OSBPL1A: variants seen among roughly 807,000 people sequenced by gnomAD.
OSBPL1A encodes oxysterol binding protein like 1A.
In OSBPL1A, 80 loss-of-function variants were observed where a neutral mutation model predicts 137.1. That is an observed-to-expected ratio of 0.58 (90% CI 0.49 to 0.70). The LOEUF (loss-of-function observed/expected upper bound fraction) is 0.70. OSBPL1A is among the 30% of genes least tolerant of loss of function. The pLI is 0.00. For missense variants in OSBPL1A, 970 were observed against 1,129.4 expected, an observed-to-expected ratio of 0.86 and a Z score of 2.02; for synonymous variants, 365 against 389.7, an observed-to-expected ratio of 0.94 and a Z score of 0.75.
chr18:24,387,795 A>T (rs1166411963), intron 1 of OSBPL1A, among the ~76,000 whole-genome samples: 1 of 151,722 alleles, frequency 6.6e-6, no homozygotes, highest in East Asian at 1.9e-4. Context: ...TTGAATATCT[A>T]GAATGCCCAT....
At chr18:24,169,400 T>C (rs2086218926) in intron 24 of OSBPL1A, among the ~76,000 whole-genome samples, 1 of 152,196 alleles carries the variant, frequency 6.6e-6, no homozygotes. Flanking sequence ...GCCGCCTGCA[T>C]TTCTAATGAG....
At chr18:24,357,135 T>C (rs1457087977) in intron 4 of OSBPL1A, 2 of 152,204 alleles carry the variant, frequency 1.3e-5, no homozygotes, top group East Asian at 1.9e-4. Flanking sequence ...TCAATCATTT[T>C]AGATTTATTT....
At chr18:24,349,844 G>A (rs1326565674) in intron 4 of OSBPL1A, among the ~76,000 whole-genome samples, 2 of 152,036 alleles carry the variant, frequency 1.3e-5, no homozygotes, top group Non-Finnish European at 2.9e-5. Flanking sequence ...CAGTCTTCAC[G>A]GTCCCTGAGC....
At chr18:24,273,836 C>T (rs1459713176) in intron 15 of OSBPL1A, among the ~76,000 whole-genome samples, 3 of 152,142 alleles carry the variant, frequency 2.0e-5, no homozygotes, top group African/African-American at 7.2e-5. Flanking sequence ...TACAGTCATC[C>T]AACAGAGCAG....
At chr18:24,211,922 T>A (rs997090224) in intron 17 of OSBPL1A, among the ~76,000 whole-genome samples, 1 of 144,416 alleles carries the variant, frequency 6.9e-6, no homozygotes, top group South Asian at 2.2e-4. Flanking sequence ...AAAAAAAAAA[T>A]CAATGCATTC....
chr18:24,175,985 G>A (rs1001680866), intron 21 of OSBPL1A, among the ~76,000 whole-genome samples: 6 of 152,136 alleles, frequency 3.9e-5, no homozygotes, highest in Admixed American at 1.3e-4. Flanking sequence ...TCCCTTCCCC[G>A]TCGCATTAAT....
chr18:24,302,382 T>C (rs1317739938), intron 14 of OSBPL1A: 1 of 152,078 alleles, frequency 6.6e-6, no homozygotes, highest in Non-Finnish European at 1.5e-5. Context: ...TACACAGGAA[T>C]AGGCACCTTT....
chr18:24,178,843 CT>C (rs2086522792), intron 20 of OSBPL1A, among the ~76,000 whole-genome samples: 1 of 151,996 alleles, frequency 6.6e-6, no homozygotes, highest in Non-Finnish European at 1.5e-5. Context: ...GAGATCAAAA[CT>C]TGTGCAGAGA....
chr18:24,195,004 G>GA (rs2086984974), intron 18 of OSBPL1A, among the ~76,000 whole-genome samples: 1 of 152,096 alleles, frequency 6.6e-6, no homozygotes, highest in Non-Finnish European at 1.5e-5. Flanking sequence ...AGAGACATTG[G>GA]AAAAATGCCA....
intron 14 of OSBPL1A, among the ~76,000 whole-genome samples, chr18:24,293,335 C>G (rs1420980825): frequency 2.6e-5 from 4 of 152,090 alleles, no homozygotes; most frequent in Admixed American, 6.6e-5. Flanking sequence ...CAGAGGAACC[C>G]GGCAGCACTG....
chr18:24,202,505 C>A (rs529731648), intron 17 of OSBPL1A, among the ~76,000 whole-genome samples: 3 of 152,330 alleles, frequency 2.0e-5, no homozygotes, highest in Admixed American at 6.5e-5. Flanking sequence ...TCACCACCTG[C>A]ATTACAGATA....
chr18:24,182,344 T>C (rs2086628912), intron 18 of OSBPL1A, among the ~76,000 whole-genome samples: 3 of 152,234 alleles, frequency 2.0e-5, no homozygotes, highest in African/African-American at 4.8e-5. Flanking sequence ...CAAAATTCAT[T>C]AAGTAACACA....
intron 16 of OSBPL1A, among the ~76,000 whole-genome samples, chr18:24,235,279 C>T (rs1363255330): frequency 1.3e-5 from 2 of 152,174 alleles, no homozygotes; most frequent in Admixed American, 6.5e-5. Context: ...CTAATATCTG[C>T]TAGCCCCTTA....
chr18:24,366,815 G>T, intron 4 of OSBPL1A, 77 bp downstream of exon 4: 2 of 1,432,610 alleles, frequency 1.4e-6, no homozygotes, highest in Non-Finnish European at 1.9e-6. Flanking sequence ...TGGTCAGATG[G>T]TTATAACAGA....
chr18:24,343,221 A>G (rs1274493320), intron 4 of OSBPL1A, among the ~76,000 whole-genome samples: 1 of 152,204 alleles, frequency 6.6e-6, no homozygotes, highest in Non-Finnish European at 1.5e-5. Context: ...TTCTATTTAT[A>G]GTAGCATCAA....
intron 4 of OSBPL1A, chr18:24,358,628 G>A: frequency 1.5e-6 from 1 of 661,162 alleles, no homozygotes; most frequent in East Asian, 2.7e-5. Flanking sequence ...ACATAAACAT[G>A]AGAAATGGTC....
At chr18:24,208,706 T>C (rs1170339230) in intron 17 of OSBPL1A, among the ~76,000 whole-genome samples, 1 of 152,226 alleles carries the variant, frequency 6.6e-6, no homozygotes, top group African/African-American at 2.4e-5. Flanking sequence ...TATAGGTACT[T>C]AGCACACATT....
chr18:24,190,585 A>T (rs2086865162), intron 18 of OSBPL1A, among the ~76,000 whole-genome samples: 1 of 152,142 alleles, frequency 6.6e-6, no homozygotes, highest in Admixed American at 6.5e-5. Flanking sequence ...TCTTCAAGCC[A>T]TTTCTCCCCA....
At chr18:24,297,188 G>A (rs1363439717) in intron 14 of OSBPL1A, among the ~76,000 whole-genome samples, 1 of 152,082 alleles carries the variant, frequency 6.6e-6, no homozygotes, top group Non-Finnish European at 1.5e-5. Context: ...TTACTGGTCT[G>A]CTCAGGGTTT....
Sources: allele counts gnomAD v4.1 joint callset (sites outside exome capture counted in the v4.1 genomes callset), GRCh38; gene constraint gnomAD v4.1.1; transcripts MANE v1.5; gene names NCBI Gene and HGNC (gene_info 2026-07-23, HGNC 2026-07-21).